PTPDC1: variants seen among roughly 807,000 people sequenced by gnomAD.
PTPDC1 encodes protein tyrosine phosphatase domain containing 1.
Under a neutral mutation model 75.3 loss-of-function variants are expected in PTPDC1, and 53 were observed. The ratio of observed to expected loss-of-function variants is 0.70; its 90% CI spans 0.56 to 0.88. PTPDC1 has a LOEUF of 0.88. Ranked by LOEUF, PTPDC1 falls within the 40% of genes least tolerant of loss-of-function variation. The probability of loss-of-function intolerance (pLI) is 0.00; values close to 1 mark genes in which losing one functional copy is unlikely to be tolerated. For synonymous variants in PTPDC1, 349 were observed against 366.2 expected (o/e 0.95, Z 0.54); for missense variants, 925 against 998.6 (o/e 0.93, Z 0.99).
intron 1 of PTPDC1, among the ~76,000 whole-genome samples, chr9:94,060,491 G>C (rs185408362): frequency 2.6e-5 from 4 of 152,212 alleles, no homozygotes; most frequent in African/African-American, 4.8e-5. Flanking sequence ...AATAGTCATT[G>C]TGTTAGTCTG....
intron 1 of PTPDC1, among the ~76,000 whole-genome samples, chr9:94,050,713 T>C (rs940530641): frequency 2.0e-5 from 3 of 152,212 alleles, no homozygotes; most frequent in Non-Finnish European, 4.4e-5. Flanking sequence ...AACTGCGTAC[T>C]GGGAGAACCA....
At chr9:94,032,293 G>C (rs1225181803) in intron 1 of PTPDC1, among the ~76,000 whole-genome samples, 1 of 152,190 alleles carries the variant, frequency 6.6e-6, no homozygotes, top group Non-Finnish European at 1.5e-5. Flanking sequence ...CAGTATCAGG[G>C]ACAGGGCTGG....
In PTPDC1 at chr9:94,098,448, G is replaced by A. The variant is rs777194991; in HGVS notation, c.1882G>A (p.Ala628Thr). 4 of 1,614,216 alleles carry A rather than the reference G, an allele frequency of 2.5e-6. No individual in the cohort carries two copies. In the South Asian group the frequency reaches 3.3e-5, roughly 13 times the overall value. The change falls in exon 6 of 9, where the codon GCA becomes ACA. Residue 628 changes from alanine (A) to threonine (T), a missense_variant. By Grantham distance (58) the Ala-to-Thr change is moderately conservative. Coordinates refer to ENST00000620992, the MANE Select transcript of PTPDC1 (RefSeq NM_001253829.2). ...CCAGGACAGTAAAGATCTGTCTGAA[G>A]CAGCTTCACACTCTGCATTACAGTC... ...ETQDSKDLSE[A>T]ASHSALQSEL...
At chr9:94,104,506 A>G in intron 8 of PTPDC1, 121 bp downstream of exon 8, 1 of 600,986 alleles carries the variant, frequency 1.7e-6, no homozygotes, top group Non-Finnish European at 2.9e-6. Context: ...TTTTCCCTTC[A>G]TGGAAATCTG....
intron 2 of PTPDC1, among the ~76,000 whole-genome samples, chr9:94,072,004 GT>G (rs961502809): frequency 2.6e-5 from 4 of 151,872 alleles, no homozygotes; most frequent in African/African-American, 9.7e-5. Context: ...TGGTATTGTG[GT>G]TTTTTTGTTT....
intron 6 of PTPDC1, chr9:94,100,394 A>G (rs1408636217): frequency 6.6e-6 from 1 of 152,218 alleles, no homozygotes; most frequent in East Asian, 1.9e-4. Flanking sequence ...AGATTGAATC[A>G]AGAGCTACTT....
chr9:94,058,244 C>G (rs901257728), intron 1 of PTPDC1, among the ~76,000 whole-genome samples: 1 of 152,014 alleles, frequency 6.6e-6, no homozygotes, highest in South Asian at 2.1e-4. Context: ...TTTGCTGGCC[C>G]AAGGTGTTTG....
rs1236822973 is a variant in PTPDC1 at position 94,064,823 on chromosome 9, T to C, written c.82+2T>C. 1 of 1,607,116 alleles carries C rather than the reference T, an allele frequency of 6.2e-7. No homozygotes were observed. Among genetic ancestry groups the C allele is most frequent in the South Asian group, 1.1e-5 (1 of 90,856 alleles). On this transcript the variant is annotated splice_donor_variant, in intron 2 of 9. Transcript: ENST00000375360. LOFTEE classifies it high-confidence loss of function. ...GCGAGTGTGTTGCAAACATGAAAGGTAATGTCTCTTTAATACACTTTTTGT... is the reference window on the plus strand; with the variant it reads ...GCGAGTGTGTTGCAAACATGAAAGGCAATGTCTCTTTAATACACTTTTTGT...
At chr9:94,052,812 T>C (rs772656704) in intron 1 of PTPDC1, among the ~76,000 whole-genome samples, 7 of 152,180 alleles carry the variant, frequency 4.6e-5, no homozygotes, top group Non-Finnish European at 7.4e-5. Flanking sequence ...AAGAAAGCCA[T>C]CCAGGTGATC....
At chr9:94,061,660 A>G (rs2117855556) in intron 1 of PTPDC1, among the ~76,000 whole-genome samples, 1 of 152,378 alleles carries the variant, frequency 6.6e-6, no homozygotes, top group South Asian at 2.1e-4. Flanking sequence ...ACCAAGGCTT[A>G]CGGCCTGCAC....
intron 2 of PTPDC1, chr9:94,064,849 C>T (rs1421199340): frequency 6.5e-7 from 1 of 1,530,010 alleles, no homozygotes; most frequent in Admixed American, 1.7e-5. Flanking sequence ...CACTTTTTGT[C>T]TCTCTGTGCA....
At chr9:94,088,300 G>T in intron 4 of PTPDC1, 37 bp downstream of exon 4, 2 of 1,602,128 alleles carry the variant, frequency 1.2e-6, no homozygotes, top group South Asian at 2.3e-5. Context: ...GAATTATCAA[G>T]GGCAGCACTC....
In PTPDC1 at chr9:94,094,621, G is replaced by A. The variant is rs373768103; in HGVS notation, c.617-696G>A. 1.4e-4 allele frequency among the ~76,000 whole-genome samples: 22 copies of A among 152,262 alleles called. No individual in the cohort carries two copies. In the East Asian group the frequency reaches 1.9e-3, roughly 13 times the overall value. ...GGGCTCCACCCAGTTCGAGCTTCCC[G>A]GCTGCTTTGTTTACCTAAGCAAGCC... On this transcript the variant is annotated intron_variant, in intron 4 of 8. Transcript: ENST00000620992.
intron 1 of PTPDC1, among the ~76,000 whole-genome samples, chr9:94,047,234 G>C (rs1485583004): frequency 6.6e-6 from 1 of 152,068 alleles, no homozygotes; most frequent in African/African-American, 2.4e-5. Flanking sequence ...ATGTGCTGCT[G>C]GATTTGGTTT....
chr9:94,050,808 G>T (rs1350301737), intron 1 of PTPDC1, among the ~76,000 whole-genome samples: 2 of 152,242 alleles, frequency 1.3e-5, no homozygotes, highest in Non-Finnish European at 2.9e-5. Flanking sequence ...CCTGCCCCCA[G>T]AGGTGGAGTC....
upstream of PTPDC1, among the ~76,000 whole-genome samples, chr9:94,079,995 G>A (rs1169229319): frequency 6.6e-6 from 1 of 152,246 alleles, no homozygotes; most frequent in Non-Finnish European, 1.5e-5. Flanking sequence ...TAACACCTGT[G>A]TGGGAGAGTG....
chr9:94,099,017 A>G (rs1261798698), intron 6 of PTPDC1, among the ~76,000 whole-genome samples: 1 of 152,240 alleles, frequency 6.6e-6, no homozygotes, highest in Non-Finnish European at 1.5e-5. Flanking sequence ...GGTGCTGAGC[A>G]AGGTCAGAAG....
rs909749204 is a variant in PTPDC1, at chr9:94,095,929, A to G, written c.754+475A>G. Among the ~76,000 whole-genome samples the G allele has an allele frequency of 2.0e-5, 3 of 152,202 alleles. No homozygotes were observed. The East Asian group carries it at 5.8e-4, about 29-fold the overall frequency. On this transcript the variant is annotated intron_variant, in intron 5 of 8. Transcript: ENST00000620992. ...GTTGGAGAAACTGCAATTTGAGAGA[A>G]GTAATTTGCTACATTTAGTAAGTGC...
At chr9:94,039,350 T>G (rs964650149) in intron 1 of PTPDC1, among the ~76,000 whole-genome samples, 2 of 152,150 alleles carry the variant, frequency 1.3e-5, no homozygotes, top group Non-Finnish European at 2.9e-5. Flanking sequence ...TACTAGATAT[T>G]AAAAACAATG....
Sources: allele counts gnomAD v4.1 joint callset (sites outside exome capture counted in the v4.1 genomes callset), GRCh38; gene constraint gnomAD v4.1.1; transcripts MANE v1.5; gene names NCBI Gene and HGNC (gene_info 2026-07-23, HGNC 2026-07-21).